LARGE1: variants seen among roughly 807,000 people sequenced by gnomAD.
The protein encoded by LARGE1 is xylosyl- and glucuronyltransferase LARGE1.
LARGE1 carries 43 observed loss-of-function variants against 87.6 expected under a neutral mutation model. That is an observed-to-expected ratio of 0.49 (90% CI 0.38 to 0.63). LARGE1 has a LOEUF of 0.63. Ranked by LOEUF, LARGE1 falls within the 30% of genes least tolerant of loss-of-function variation. The pLI is 0.00. For synonymous variants in LARGE1, 434 were observed against 394.6 expected (o/e 1.10, Z -1.18); for missense variants, 802 against 1,000.2 (o/e 0.80, Z 2.67).
At chr22:33,845,997 A>G (rs1192808596) in intron 1 of LARGE1, among the ~76,000 whole-genome samples, 1 of 152,120 alleles carries the variant, frequency 6.6e-6, no homozygotes, top group African/African-American at 2.4e-5. Flanking sequence ...CCCCTTTACA[A>G]TTTCCTTGGT....
chr22:33,079,733 G>A, the LARGE1 span, among the ~76,000 whole-genome samples: 7 of 152,200 alleles, frequency 4.6e-5, no homozygotes, highest in South Asian at 1.2e-3. Flanking sequence ...TAAATGAGTT[G>A]TCCATTCTGC....
chr22:33,405,414 C>G (rs957605212), intron 7 of LARGE1, among the ~76,000 whole-genome samples: 1 of 152,202 alleles, frequency 6.6e-6, no homozygotes, highest in African/African-American at 2.4e-5. Flanking sequence ...CTTCAGGACA[C>G]GCTTCAGATC....
At chr22:33,778,833 T>C (rs1218330711) in intron 1 of LARGE1, among the ~76,000 whole-genome samples, 2 of 152,136 alleles carry the variant, frequency 1.3e-5, no homozygotes, top group African/African-American at 4.8e-5. Flanking sequence ...GTATTTTTAG[T>C]AGAGATAGGG....
intron 1 of LARGE1, among the ~76,000 whole-genome samples, chr22:33,768,446 AC>A (rs2084971937): frequency 6.6e-6 from 1 of 151,684 alleles, no homozygotes. Flanking sequence ...TCACACACAC[AC>A]ACACACACAC....
intron 6 of LARGE1, among the ~76,000 whole-genome samples, chr22:33,563,739 A>C (rs1317508980): frequency 4.6e-5 from 7 of 152,200 alleles, no homozygotes; most frequent in Non-Finnish European, 7.3e-5. Flanking sequence ...AGCTGTCCTA[A>C]ATGATGTCAT....
At chr22:33,402,177 C>G (rs915698888) in intron 7 of LARGE1, among the ~76,000 whole-genome samples, 1 of 152,170 alleles carries the variant, frequency 6.6e-6, no homozygotes, top group African/African-American at 2.4e-5. Context: ...GGGGTTTCAG[C>G]TGAGGTCTTT....
intron 11 of LARGE1, among the ~76,000 whole-genome samples, chr22:33,193,957 T>A (rs1394959917): frequency 6.8e-6 from 1 of 147,956 alleles, no homozygotes; most frequent in African/African-American, 2.4e-5. Context: ...GTTTTATATG[T>A]TATATATGTT....
chr22:33,616,265 G>T (rs916514594), intron 4 of LARGE1, among the ~76,000 whole-genome samples: 1 of 152,148 alleles, frequency 6.6e-6, no homozygotes, highest in Non-Finnish European at 1.5e-5. Flanking sequence ...CCAGCACTTT[G>T]GGAGGCTGAG....
chr22:33,541,079 T>G (rs1419520955), intron 6 of LARGE1, among the ~76,000 whole-genome samples: 291 of 25,208 alleles, frequency 0.012, no homozygotes, highest in Middle Eastern at 0.062. Flanking sequence ...GGGGGGCGGG[T>G]TGCAGGGGGA....
chr22:33,808,873 C>G (rs2086399925), intron 1 of LARGE1, among the ~76,000 whole-genome samples: 2 of 152,220 alleles, frequency 1.3e-5, no homozygotes, highest in African/African-American at 4.8e-5. Flanking sequence ...TTAACACTGT[C>G]TGGTGGGTCT....
At chr22:33,181,721 A>C (rs1295834153) in intron 11 of LARGE1, among the ~76,000 whole-genome samples, 4 of 146,286 alleles carry the variant, frequency 2.7e-5, no homozygotes, top group African/African-American at 1.0e-4. Flanking sequence ...GTAGAGATGG[A>C]GTTTCACCGT....
At chr22:33,614,378 A>C (rs1399902148) in intron 4 of LARGE1, among the ~76,000 whole-genome samples, 1 of 151,960 alleles carries the variant, frequency 6.6e-6, no homozygotes, top group Non-Finnish European at 1.5e-5. Flanking sequence ...CTGACTCTCT[A>C]ACTCACTCTG....
intron 1 of LARGE1, among the ~76,000 whole-genome samples, chr22:33,825,923 A>C (rs892143412): frequency 3.3e-5 from 5 of 151,916 alleles, no homozygotes; most frequent in African/African-American, 1.2e-4. Flanking sequence ...TGGGAGACAG[A>C]AACTGCCACT....
At chr22:33,513,921 T>C (rs2071175753) in intron 6 of LARGE1, among the ~76,000 whole-genome samples, 1 of 151,664 alleles carries the variant, frequency 6.6e-6, no homozygotes. Context: ...GATTATGACG[T>C]TGCATTTTTA....
At chr22:33,336,326 G>A (rs1430674720) in intron 10 of LARGE1, among the ~76,000 whole-genome samples, 4 of 151,938 alleles carry the variant, frequency 2.6e-5, no homozygotes, top group African/African-American at 9.7e-5. Flanking sequence ...TCAGCCTCCC[G>A]AGTAGCTGGG....
rs1395354983 is a variant in LARGE1 at position 33,274,567 on chromosome 22, TG to T, written c.2130del (p.Ser711AlafsTer37). ...NAYMIHMPHA[P>X]SFDITKFRSN... ...GAACGGAACTTGGTAATGTCGAAGC[TG>T]GGGGCATGAGGCATGTGGATCATGT... On this transcript the variant is annotated frameshift_variant, in exon 15 of 15. Coordinates refer to ENST00000397394, the MANE Select transcript of LARGE1 (RefSeq NM_133642.5). LOFTEE classifies it high-confidence loss of function. The T allele has an allele frequency of 6.2e-7, 1 of 1,614,052 alleles. No individual in the cohort carries two copies.
At chr22:33,322,251 T>C (rs1355475098) in intron 10 of LARGE1, among the ~76,000 whole-genome samples, 1 of 152,222 alleles carries the variant, frequency 6.6e-6, no homozygotes, top group Non-Finnish European at 1.5e-5. Context: ...AGGAGCTGTA[T>C]CCCCTTCATT....
intron 11 of LARGE1, among the ~76,000 whole-genome samples, chr22:33,225,711 C>T (rs910293750): frequency 9.2e-5 from 14 of 152,158 alleles, no homozygotes; most frequent in East Asian, 1.9e-4. Context: ...TTCTGACCTT[C>T]GCCCTCCACC....
At chr22:33,445,043 T>C (rs1407524414) in intron 6 of LARGE1, among the ~76,000 whole-genome samples, 3 of 152,170 alleles carry the variant, frequency 2.0e-5, no homozygotes, top group Admixed American at 6.5e-5. Context: ...TCAGTCAGGC[T>C]GGTCTTGAAC....
Sources: allele counts gnomAD v4.1 joint callset (sites outside exome capture counted in the v4.1 genomes callset), GRCh38; gene constraint gnomAD v4.1.1; transcripts MANE v1.5; gene names NCBI Gene and HGNC (gene_info 2026-07-23, HGNC 2026-07-21).